The following MTHFD1L variants were observed in gnomAD, a reference collection of about 807,000 sequenced individuals.
MTHFD1L encodes the protein monofunctional C1-tetrahydrofolate synthase, mitochondrial.
In MTHFD1L, 81 loss-of-function variants were observed where a neutral mutation model predicts 119.5. That is an observed-to-expected ratio of 0.68 (90% CI 0.57 to 0.82). The LOEUF (loss-of-function observed/expected upper bound fraction) is 0.82. Among genes scored for constraint, MTHFD1L ranks in the 40% least tolerant of loss-of-function variants. MTHFD1L has a pLI of 0.00. For synonymous variants in MTHFD1L, 430 were observed against 475.2 expected (o/e 0.90, Z 1.24); for missense variants, 1,125 against 1,253.4 (o/e 0.90, Z 1.55).
chr6:150,868,398 G>A (rs1470144948), intron 1 of MTHFD1L, among the ~76,000 whole-genome samples: 1 of 149,868 alleles, frequency 6.7e-6, no homozygotes, highest in Non-Finnish European at 1.5e-5. Flanking sequence ...GGAGTGCAGT[G>A]GCGGGATCTC....
At chr6:150,866,885 G>T (rs1452406433) in intron 1 of MTHFD1L, among the ~76,000 whole-genome samples, 2 of 152,152 alleles carry the variant, frequency 1.3e-5, no homozygotes, top group Non-Finnish European at 2.9e-5. Context: ...CGAGCCCTTC[G>T]GGACAACTTG....
intron 26 of MTHFD1L, among the ~76,000 whole-genome samples, chr6:151,078,926 G>A (rs1792846163): frequency 6.6e-6 from 1 of 152,144 alleles, no homozygotes; most frequent in Non-Finnish European, 1.5e-5. Context: ...TTATGGTCAA[G>A]AAAGAGCCCA....
chr6:150,953,900 G>C (rs1033108847), intron 16 of MTHFD1L, among the ~76,000 whole-genome samples: 1 of 152,182 alleles, frequency 6.6e-6, no homozygotes, highest in Admixed American at 6.5e-5. Context: ...GAAGAACAGT[G>C]GTGGCTGAGG....
At chr6:150,938,571 C>T (rs1007937766) in intron 12 of MTHFD1L, 128 bp from the exon 13 acceptor site, 7 of 910,466 alleles carry the variant, frequency 7.7e-6, no homozygotes, top group African/African-American at 3.3e-5. Context: ...CTCTCACTGC[C>T]TTTTGTTACT....
At chr6:151,005,844 G>GTCA in intron 20 of MTHFD1L, among the ~76,000 whole-genome samples, 1 of 152,246 alleles carries the variant, frequency 6.6e-6, no homozygotes, top group Admixed American at 6.5e-5. Flanking sequence ...GTTTTAGATG[G>GTCA]TCATATCTTT....
At chr6:150,874,535 T>A (rs1462308867) in intron 1 of MTHFD1L, among the ~76,000 whole-genome samples, 1 of 152,196 alleles carries the variant, frequency 6.6e-6, no homozygotes, top group East Asian at 1.9e-4. Context: ...ACCCCGCATT[T>A]TTGTTAGGTG....
intron 11 of MTHFD1L, among the ~76,000 whole-genome samples, chr6:150,927,719 A>G (rs1380928780): frequency 6.6e-6 from 1 of 152,010 alleles, no homozygotes; most frequent in Non-Finnish European, 1.5e-5. Context: ...GGCATCCCAA[A>G]GTGCTGGGAT....
At chr6:151,017,549 G>T (rs1783281991) in intron 24 of MTHFD1L, among the ~76,000 whole-genome samples, 1 of 152,008 alleles carries the variant, frequency 6.6e-6, no homozygotes, top group African/African-American at 2.4e-5. Context: ...GTTTCACCAT[G>T]TTCGTCAGGC....
At chr6:151,090,903 G>A (rs543164653) in intron 26 of MTHFD1L, among the ~76,000 whole-genome samples, 4 of 139,794 alleles carry the variant, frequency 2.9e-5, no homozygotes, top group East Asian at 2.1e-4. Context: ...TGCCCCATGC[G>A]ACTGGGTGCA....
chr6:151,016,898 A>G (rs61506177), intron 24 of MTHFD1L: 9,880 of 175,900 alleles, frequency 0.056, 1,053 homozygotes, highest in African/African-American at 0.23. Context: ...TCAGCCTCCC[A>G]AGTAGCTGGG....
chr6:150,956,626 T>G (rs1290509310), intron 17 of MTHFD1L, among the ~76,000 whole-genome samples: 1 of 152,224 alleles, frequency 6.6e-6, no homozygotes, highest in Admixed American at 6.5e-5. Flanking sequence ...GGAATACAAA[T>G]TAATTCCTAT....
chr6:151,009,229 T>A (rs1483352060), intron 20 of MTHFD1L, among the ~76,000 whole-genome samples: 1 of 151,560 alleles, frequency 6.6e-6, no homozygotes, highest in African/African-American at 2.4e-5. Context: ...AAAATCCCCA[T>A]CTGTATGAAG....
intron 1 of MTHFD1L, among the ~76,000 whole-genome samples, chr6:150,874,551 C>T (rs1003404061): frequency 6.6e-6 from 1 of 152,208 alleles, no homozygotes; most frequent in African/African-American, 2.4e-5. Context: ...AGGTGCAGTG[C>T]AAGACCCTGT....
At chr6:151,050,052 G>T (rs2128574023) in intron 26 of MTHFD1L, among the ~76,000 whole-genome samples, 1 of 152,312 alleles carries the variant, frequency 6.6e-6, no homozygotes, top group South Asian at 2.1e-4. Flanking sequence ...AGCCAGACAT[G>T]TGGAGCTTCC....
intron 11 of MTHFD1L, among the ~76,000 whole-genome samples, chr6:150,934,209 A>G (rs1266816284): frequency 6.6e-6 from 1 of 152,180 alleles, no homozygotes; most frequent in Non-Finnish European, 1.5e-5. Context: ...TTCCTCATCT[A>G]TCAAGTGAGC....
intron 20 of MTHFD1L, among the ~76,000 whole-genome samples, chr6:151,007,634 C>A (rs1158465938): frequency 6.6e-6 from 1 of 152,204 alleles, no homozygotes; most frequent in East Asian, 1.9e-4. Context: ...TAATCCAGTA[C>A]TGGGGCCTTA....
chr6:150,949,053 A>G lies in MTHFD1L; in HGVS notation c.1646A>G (p.Asp549Gly). The change falls in exon 16 of 28, where the codon GAT becomes GGT. Residue 549 changes from aspartate to glycine, a missense_variant. Coordinates refer to ENST00000367321, the MANE Select transcript of MTHFD1L (RefSeq NM_015440.5). Reference sequence around the variant, plus strand: ...TAGAAACTGGGAATAAATAAGACTGATCCGAGCACACTGACAGAAGAGGAA... The same window carrying G: ...TAGAAACTGGGAATAAATAAGACTGGTCCGAGCACACTGACAGAAGAGGAA... ...RLKKLGINKT[D>G]PSTLTEEEVS... is the part of the protein sequence containing the mutation. The G allele has an allele frequency of 6.2e-7, 1 of 1,613,974 alleles. No individual in the cohort carries two copies. Among genetic ancestry groups the G allele is most frequent in the Admixed American group, 1.7e-5 (1 of 60,022 alleles).
At chr6:151,055,613 C>T (rs142462477) in intron 26 of MTHFD1L, among the ~76,000 whole-genome samples, 4,821 of 151,916 alleles carry the variant, frequency 0.032, 149 homozygotes, top group Admixed American at 0.097. Flanking sequence ...CCGCAACCTC[C>T]GCCTCCCAGG....
At chr6:150,943,394 G>C (rs553785423) in intron 13 of MTHFD1L, among the ~76,000 whole-genome samples, 2 of 152,222 alleles carry the variant, frequency 1.3e-5, no homozygotes, top group African/African-American at 4.8e-5. Context: ...ACTTTGCGGG[G>C]CTGAAGCGAG....
Sources: allele counts gnomAD v4.1 joint callset (sites outside exome capture counted in the v4.1 genomes callset), GRCh38; gene constraint gnomAD v4.1.1; transcripts MANE v1.5; gene names NCBI Gene and HGNC (gene_info 2026-07-23, HGNC 2026-07-21).